AQP3: variants seen among roughly 807,000 people sequenced by gnomAD.
AQP3 encodes the protein aquaporin 3 (Gill blood group).
AQP3 carries 15 observed loss-of-function variants against 30.3 expected under a neutral mutation model. That is an observed-to-expected ratio of 0.49 (90% confidence interval 0.33 to 0.76). AQP3 has a LOEUF of 0.76. Among genes scored for constraint, AQP3 ranks in the 30% least tolerant of loss-of-function variants. The pLI, the probability that AQP3 is intolerant of heterozygous loss-of-function variation, is 0.02. For synonymous variants in AQP3, 153 were observed against 163.2 expected, an observed-to-expected ratio of 0.94 and a Z score of 0.47; for missense variants, 272 against 384.8, an observed-to-expected ratio of 0.71 and a Z score of 2.45.
rs1421587540 is a variant in AQP3 at position 33,442,304 on chromosome 9, A to C, written c.707T>G (p.Phe236Cys). ...TALAGWGSAVFTTGQHWWWVP... is the reference protein window; with the variant it reads ...TALAGWGSAVCTTGQHWWWVP... ...GCTGGGTGGGGGCTGTACTCACGTGAAGACTGCAGAGCCCCAGCCCGCAAG... is the reference window on the plus strand; with the variant it reads ...GCTGGGTGGGGGCTGTACTCACGTGCAGACTGCAGAGCCCCAGCCCGCAAG... The change falls in exon 5 of 6, where the codon TTC (phenylalanine) becomes TGC (cysteine). Residue 236 changes from phenylalanine (F) to cysteine (C), a missense_variant. Coordinates refer to ENST00000297991, the MANE Select transcript of AQP3 (RefSeq NM_004925.5). The C allele has an allele frequency of 6.2e-7, 1 of 1,612,798 alleles. No individual in the cohort carries two copies. Among genetic ancestry groups the C allele is most frequent in the Admixed American group, 1.7e-5 (1 of 59,838 alleles).
chr9:33,443,367 C>A lies in AQP3; in HGVS notation c.327G>T (p.Thr109=). 2 of 1,597,606 alleles carry A rather than the reference C, an allele frequency of 1.3e-6. No individual in the cohort carries two copies. The highest frequency in any genetic ancestry group is 2.3e-5 in the East Asian group (1 of 44,154). The part of the protein sequence containing the change: ...IKLPIYTLAQ[T]LGAFLGAGIV... ...TTCCAGCACCCAAGAAGGCTCCCAG[C>A]GTCTGTGCCAGGGTGTAGATGGGCA... The change falls in exon 3 of 6, where the codon ACG becomes ACT. Residue 109 remains threonine, a synonymous_variant. Coordinates refer to ENST00000297991, the MANE Select transcript of AQP3 (RefSeq NM_004925.5). This position sits in a 1 kb window ranked among gnomAD's most constrained non-coding sequence, Gnocchi z 5.0.
chr9:33,441,915 G>A lies in AQP3; in HGVS notation c.*128C>T. 2.8e-6 allele frequency: 4 copies of A among 1,406,312 alleles called. No homozygotes were observed. The highest frequency in any genetic ancestry group is 3.9e-6 in the Non-Finnish European group (4 of 1,032,728). The allele number at this position is 1,406,312 out of a possible 1,614,324, so 87.1% of individuals were successfully genotyped here. A position where few individuals can be genotyped will look rare whatever the true frequency, so the allele number is the denominator to read the frequency against. On this transcript the variant is annotated 3_prime_UTR_variant, in exon 6 of 6. Coordinates refer to ENST00000297991, the MANE Select transcript of AQP3 (RefSeq NM_004925.5). ...TCCTGAAGGGGCTGTCTCGTGGGGT[G>A]AGGGTAGATAGGGAGCTCCTTAGCC...
rs951030345 is a variant in AQP3, at chr9:33,442,871, A to G, written c.473T>C (p.Ile158Thr). The change falls in exon 4 of 6, where the codon ATC becomes ACC. Residue 158 changes from isoleucine (I) to threonine (T), a missense_variant. Ile to Thr is a moderately conservative substitution (Grantham distance 89). This residue lies in a region of AQP3 where 170 missense variants were observed against 286.4 expected (regional missense o/e 0.59). Transcript: ENST00000297991. ...ATYPSGHLDM[I>T]NGFFDQFIGT... ...CCATACCTGGTCAAAGAAGCCATTG[A>G]TCATATCCAAGTGTCCAGAGGGGTA... is the stretch of plus-strand genomic sequence containing the variant. 6.2e-7 allele frequency: 1 copy of G among 1,614,134 alleles called. No homozygotes were observed. The highest frequency in any genetic ancestry group is 8.5e-7 in the Non-Finnish European group (1 of 1,179,992).
chr9:33,447,135 G>A lies in AQP3; in HGVS notation c.108+288C>T, dbSNP rs540710821. ...GTCCCAGACTGCAAGCGTGACCGCT[G>A]CCCCCAGCCTGTTGGCTGAGTCACT... On this transcript the variant is annotated intron_variant, in intron 1 of 5. Coordinates refer to ENST00000297991, the MANE Select transcript of AQP3 (RefSeq NM_004925.5). Among the ~76,000 whole-genome samples the A allele has an allele frequency of 2.0e-5, 3 of 152,342 alleles. No homozygotes were observed. In the South Asian group the frequency reaches 6.2e-4, roughly 32 times the overall value.
rs1245121452 is a variant in AQP3 at position 33,443,606 on chromosome 9, G to A, written c.236-148C>T. 6 of 1,453,956 alleles carry A rather than the reference G, an allele frequency of 4.1e-6. No individual in the cohort carries two copies. In the East Asian group the frequency reaches 1.4e-4, roughly 35 times the overall value. The allele number at this position is 1,453,956 out of a possible 1,614,324, so 90.1% of individuals were successfully genotyped here. ...GTCAGCTGATAATCTCTGATTCCAA[G>A]GTGAGAGTCGAAAGTTCTAAGTGTC... On this transcript the variant is annotated intron_variant, in intron 2 of 5. Coordinates refer to ENST00000297991, the MANE Select transcript of AQP3 (RefSeq NM_004925.5). The surrounding 1 kb of genome is among the most constrained non-coding windows in gnomAD (Gnocchi z 5.0).
chr9:33,442,557 C>G, intron 4 of AQP3, 39 bp from the exon 5 acceptor site: 1 of 1,549,950 alleles, frequency 6.5e-7, no homozygotes, highest in African/African-American at 1.4e-5. Flanking sequence ...GCAGCTCCCT[C>G]CCTTTCTCTG....
chr9:33,441,553 T>G lies in AQP3; in HGVS notation c.*490A>C, dbSNP rs1403492202. 1 of 198,152 alleles carries G rather than the reference T, an allele frequency of 5.0e-6. No individual in the cohort carries two copies. Among genetic ancestry groups the G allele is most frequent in the Non-Finnish European group, 1.0e-5 (1 of 97,780 alleles). The allele number at this position is 198,152 out of a possible 1,614,324, so 12.3% of individuals were successfully genotyped here. ...ACATACACAGAAACACATATCTATC[T>G]GCAGCTCCTCCATGTGAAGCCCCTG... is the stretch of plus-strand genomic sequence containing the variant. On this transcript the variant is annotated 3_prime_UTR_variant, in exon 6 of 6. Transcript: ENST00000297991.
intron 1 of AQP3, among the ~76,000 whole-genome samples, chr9:33,444,664 G>T (rs544032499): frequency 1.3e-5 from 2 of 151,780 alleles, no homozygotes; most frequent in Non-Finnish European, 2.9e-5. Flanking sequence ...GGCAATGGGC[G>T]GCATAAATAA....
At chr9:33,442,738 C>A in intron 4 of AQP3, 114 bp downstream of exon 4, 1 of 1,186,204 alleles carries the variant, frequency 8.4e-7, no homozygotes. Context: ...GGTTACCCCA[C>A]AGATTGGAGA....
intron 4 of AQP3, 130 bp downstream of exon 4, chr9:33,442,722 G>A: frequency 1.8e-6 from 2 of 1,112,692 alleles, no homozygotes; most frequent in Non-Finnish European, 1.4e-6. Flanking sequence ...ACCATGTTCT[G>A]ATGCGGGTTA....
Position 33,443,273 on chromosome 9 carries a change from A to T in AQP3, c.373+48T>A. 1 of 1,559,166 alleles carries T rather than the reference A, an allele frequency of 6.4e-7. No homozygotes were observed. On this transcript the variant is annotated intron_variant, in intron 3 of 5. Transcript: ENST00000297991. The surrounding 1 kb of genome is among the most constrained non-coding windows in gnomAD (Gnocchi z 5.0). ...AAAGGCCTGGTGCCAGCAGGTCCTG[A>T]ACAGAGGGACGGGGGTAGTGGAGGA...
intron 1 of AQP3, among the ~76,000 whole-genome samples, chr9:33,445,546 C>T (rs770377875): frequency 5.3e-5 from 8 of 152,142 alleles, no homozygotes; most frequent in African/African-American, 7.2e-5. Flanking sequence ...GGGTCTGAGG[C>T]GCCCTGCCCT....
In AQP3 at chr9:33,443,194, G is replaced by C; in HGVS notation, c.373+127C>G. ...TGCCCCCTACCTTGACCCTGTGCGTGAATGAGTGAGTCATGAGCCCGGGGC... is the reference window on the plus strand; with the variant it reads ...TGCCCCCTACCTTGACCCTGTGCGTCAATGAGTGAGTCATGAGCCCGGGGC... On this transcript the variant is annotated intron_variant, in intron 3 of 5. Coordinates refer to ENST00000297991, the MANE Select transcript of AQP3 (RefSeq NM_004925.5). This position sits in a 1 kb window ranked among gnomAD's most constrained non-coding sequence, Gnocchi z 5.0. 7.2e-7 allele frequency: 1 copy of C among 1,393,136 alleles called. No homozygotes were observed. The highest frequency in any genetic ancestry group is 2.0e-5 in the Admixed American group (1 of 50,188). 86.3% of individuals were successfully genotyped at this position (1,393,136 alleles called of 1,614,324 possible).
At position 33,443,640 on chromosome 9, in the gene AQP3, T is replaced by C; in HGVS notation, c.235+126A>G. On this transcript the variant is annotated intron_variant, in intron 2 of 5. Coordinates refer to ENST00000297991, the MANE Select transcript of AQP3 (RefSeq NM_004925.5). The surrounding 1 kb of genome is among the most constrained non-coding windows in gnomAD (Gnocchi z 5.0). ...CGAAAGTTCTAAGTGTCAAGTTTCT[T>C]CTCCACCCTCCTTTCCCAAGGGGCC... 5 of 1,522,160 alleles carry C rather than the reference T, an allele frequency of 3.3e-6. No homozygotes were observed. The highest frequency in any genetic ancestry group is 4.5e-6 in the Non-Finnish European group (5 of 1,110,188). The allele number at this position is 1,522,160 out of a possible 1,614,324, so 94.3% of individuals were successfully genotyped here.
chr9:33,443,252 G>A lies in AQP3; in HGVS notation c.373+69C>T. 2 of 1,546,874 alleles carry A rather than the reference G, an allele frequency of 1.3e-6. No homozygotes were observed. Among genetic ancestry groups the A allele is most frequent in the South Asian group, 2.4e-5 (2 of 83,952 alleles). On this transcript the variant is annotated intron_variant, in intron 3 of 5. Coordinates refer to ENST00000297991, the MANE Select transcript of AQP3 (RefSeq NM_004925.5). The surrounding 1 kb of genome is among the most constrained non-coding windows in gnomAD (Gnocchi z 5.0). ...GGTCCTAGCCGTCTGTCATCAAAAGGCCTGGTGCCAGCAGGTCCTGAACAG... is the reference window on the plus strand; with the variant it reads ...GGTCCTAGCCGTCTGTCATCAAAAGACCTGGTGCCAGCAGGTCCTGAACAG...
intron 1 of AQP3, among the ~76,000 whole-genome samples, chr9:33,445,211 T>C (rs1443432992): frequency 3.3e-5 from 5 of 152,190 alleles, no homozygotes; most frequent in Non-Finnish European, 7.3e-5. Context: ...CTGTAAAGCA[T>C]TGTTGCCCTG....
Position 33,443,029 on chromosome 9 carries a change from C to T in AQP3, c.374-59G>A, listed in dbSNP as rs1826863345. Reference sequence around the variant, plus strand: ...GAGAGGCCTGAGCCCAGACTTCCCTCTCAGGTGTGCCCTCCCCACCCTCCC... The same window carrying T: ...GAGAGGCCTGAGCCCAGACTTCCCTTTCAGGTGTGCCCTCCCCACCCTCCC... On this transcript the variant is annotated intron_variant, in intron 3 of 5. Coordinates refer to ENST00000297991, the MANE Select transcript of AQP3 (RefSeq NM_004925.5). This position sits in a 1 kb window ranked among gnomAD's most constrained non-coding sequence, Gnocchi z 5.0. 6.7e-7 allele frequency: 1 copy of T among 1,497,850 alleles called. No individual in the cohort carries two copies. Among genetic ancestry groups the T allele is most frequent in the East Asian group, 2.3e-5 (1 of 44,242 alleles). 92.8% of individuals were successfully genotyped at this position (1,497,850 alleles called of 1,614,324 possible).
At chr9:33,444,832 G>A (rs1363109579) in intron 1 of AQP3, among the ~76,000 whole-genome samples, 2 of 152,028 alleles carry the variant, frequency 1.3e-5, no homozygotes, top group African/African-American at 4.8e-5. Flanking sequence ...CTGCTCTCAG[G>A]GGTCCAGATT....
chr9:33,443,722 A>G lies in AQP3; in HGVS notation c.235+44T>C. ...AGGAATGCCAGGACACCTAGTGGGA[A>G]TGCTATTGAGGGCCAAGGGCTGGGG... On this transcript the variant is annotated intron_variant, in intron 2 of 5. Transcript: ENST00000297991. The surrounding 1 kb of genome is among the most constrained non-coding windows in gnomAD (Gnocchi z 5.0). 3 of 1,613,116 alleles carry G rather than the reference A, an allele frequency of 1.9e-6. No homozygotes were observed. Among genetic ancestry groups the G allele is most frequent in the Non-Finnish European group, 2.5e-6 (3 of 1,179,642 alleles).
Sources: gnomAD v4.1 joint callset for allele counts (sites outside exome capture counted in the v4.1 genomes callset) on GRCh38, gnomAD v4.1.1 for gene constraint, gnomAD v4.1.1 regional missense constraint, Gnocchi (gnomAD v3.1) non-coding constraint, MANE v1.5 for transcripts, NCBI Gene and HGNC (gene_info 2026-07-23, HGNC 2026-07-21) for gene names.